The following STARD9 variants were observed in gnomAD, a reference collection of about 807,000 sequenced individuals.
STARD9 encodes stAR-related lipid transfer protein 9.
Under a neutral mutation model 399.8 loss-of-function variants are expected in STARD9, and 346 were observed. The ratio of observed to expected loss-of-function variants is 0.87; its 90% CI spans 0.79 to 0.95. STARD9 has a LOEUF of 0.95. STARD9 is among the 40% of genes least tolerant of loss of function. The pLI, the probability that STARD9 is intolerant of heterozygous loss-of-function variation, is 0.00. For synonymous variants in STARD9, 2,203 were observed against 2,143.5 expected, an observed-to-expected ratio of 1.03 and a Z score of -0.77; for missense variants, 5,832 against 5,667.5, an observed-to-expected ratio of 1.03 and a Z score of -0.93.
At chr15:42,590,772 G>C (rs148022476) in intron 3 of STARD9, among the ~76,000 whole-genome samples, 5 of 152,170 alleles carry the variant, frequency 3.3e-5, no homozygotes, top group Non-Finnish European at 5.9e-5. Context: ...GAGAGAGAGC[G>C]AGAGATGGGA....
chr15:42,608,302 C>A (rs1420689029), intron 3 of STARD9, among the ~76,000 whole-genome samples: 1 of 152,126 alleles, frequency 6.6e-6, no homozygotes. Context: ...AGACAGGACC[C>A]TGCCAGCCGG....
chr15:42,607,679 C>CACAT (rs1280154771), intron 3 of STARD9, among the ~76,000 whole-genome samples: 6 of 149,682 alleles, frequency 4.0e-5, no homozygotes, highest in African/African-American at 1.5e-4. Flanking sequence ...CACACACACA[C>CACAT]ACACACAAAT....
chr15:42,617,589 G>C (rs2058995445), intron 3 of STARD9, among the ~76,000 whole-genome samples: 1 of 152,140 alleles, frequency 6.6e-6, no homozygotes, highest in Non-Finnish European at 1.5e-5. Flanking sequence ...CTTTCAATGG[G>C]GGGAATGTGA....
intron 24 of STARD9, 87 bp downstream of exon 24, chr15:42,694,812 G>A: frequency 9.0e-7 from 1 of 1,112,078 alleles, no homozygotes; most frequent in South Asian, 1.5e-5. Flanking sequence ...TAGCATCCTG[G>A]AGGGTTCTCT....
At position 42,690,343 on chromosome 15, in the gene STARD9, G is replaced by A. The variant is rs1426497399; in HGVS notation, c.8765G>A (p.Arg2922Lys). 1.3e-6 allele frequency: 2 copies of A among 1,537,248 alleles called. No individual in the cohort carries two copies. Among genetic ancestry groups the A allele is most frequent in the Admixed American group, 2.0e-5 (1 of 51,006 alleles). The change falls in exon 23 of 33, where the codon AGG (arginine) becomes AAG (lysine). Residue 2922 changes from arginine to lysine, a missense_variant. Physicochemically the swap from Arg to Lys is conservative, Grantham distance 26 (BLOSUM62 2). Around this residue, in one of 2 missense-constraint regions of STARD9, gnomAD observed 5,828 missense variants for 5,651.1 expected, o/e 1.03. Coordinates refer to ENST00000290607, the MANE Select transcript of STARD9 (RefSeq NM_020759.3). ...IGEEAPCRHP[R>K]EALDGPVFSR... ...GAGGAAGCCCCATGTAGACACCCAA[G>A]GGAAGCTTTAGATGGCCCTGTCTTC...
chr15:42,632,187 A>G (rs2059345343), intron 3 of STARD9, among the ~76,000 whole-genome samples: 1 of 152,222 alleles, frequency 6.6e-6, no homozygotes, highest in Non-Finnish European at 1.5e-5. Context: ...CTTTCTGATT[A>G]TATAATGACC....
At chr15:42,598,699 T>G (rs1196638470) in intron 3 of STARD9, among the ~76,000 whole-genome samples, 1 of 152,188 alleles carries the variant, frequency 6.6e-6, no homozygotes, top group Non-Finnish European at 1.5e-5. Flanking sequence ...AACATTTATC[T>G]TTGTGTTGGG....
chr15:42,670,653 CCTT>C (rs1188933821), intron 16 of STARD9: 5 of 152,174 alleles, frequency 3.3e-5, no homozygotes, highest in South Asian at 2.1e-4. Context: ...AAATTGGACT[CCTT>C]CTTAGTGCTG....
intron 4 of STARD9, among the ~76,000 whole-genome samples, chr15:42,635,676 C>T (rs1595680943): frequency 6.6e-6 from 1 of 152,158 alleles, no homozygotes; most frequent in South Asian, 2.1e-4. Flanking sequence ...TTTTACAGCT[C>T]CCTTTGACAA....
chr15:42,585,981 T>C (rs2058269852), intron 3 of STARD9, among the ~76,000 whole-genome samples: 2 of 152,360 alleles, frequency 1.3e-5, no homozygotes, highest in South Asian at 2.1e-4. Flanking sequence ...CTATTTCTTA[T>C]GATACTTTTG....
rs150033918 is a variant in STARD9, at chr15:42,674,943, G to T, written c.1666G>T (p.Ala556Ser). The change falls in exon 18 of 33, where the codon GCC becomes TCC. Residue 556 changes from alanine to serine, a missense_variant. Transcript: ENST00000290607. ...TACAGTCAATGGCCGGGAGGTCACTGCCTCCTGCCGTCTGACTCAAGGTAG... is the reference window on the plus strand; with the variant it reads ...TACAGTCAATGGCCGGGAGGTCACTTCCTCCTGCCGTCTGACTCAAGGTAG... ...RCTVNGREVTASCRLTQGAVI... is the reference protein window; with the variant it reads ...RCTVNGREVTSSCRLTQGAVI... The T allele has an allele frequency of 4.7e-5, 72 of 1,535,690 alleles. No homozygotes were observed. Among genetic ancestry groups the T allele is most frequent in the African/African-American group, 3.7e-4 (27 of 73,124 alleles).
chr15:42,618,844 T>G (rs1387159958), intron 3 of STARD9, among the ~76,000 whole-genome samples: 1 of 152,152 alleles, frequency 6.6e-6, no homozygotes, highest in Non-Finnish European at 1.5e-5. Context: ...AGTGCTGGGA[T>G]TAGAAGTGTG....
chr15:42,635,418 C>T (rs1462656062), intron 4 of STARD9, among the ~76,000 whole-genome samples: 2 of 152,044 alleles, frequency 1.3e-5, no homozygotes, highest in African/African-American at 4.8e-5. Context: ...CAAGCTCCGC[C>T]TCCCGGGTTC....
At chr15:42,714,821 A>G (rs1260646217) in intron 26 of STARD9, among the ~76,000 whole-genome samples, 1 of 151,074 alleles carries the variant, frequency 6.6e-6, no homozygotes, top group Admixed American at 6.6e-5. Context: ...CCATTTTGGT[A>G]TGTCTGTGAA....
At chr15:42,620,894 A>G (rs1319638976) in intron 3 of STARD9, among the ~76,000 whole-genome samples, 1 of 152,062 alleles carries the variant, frequency 6.6e-6, no homozygotes, top group Non-Finnish European at 1.5e-5. Flanking sequence ...AGCTGGGATT[A>G]TAGGTGCCTG....
intron 26 of STARD9, among the ~76,000 whole-genome samples, chr15:42,703,340 C>T (rs140235780): frequency 1.1e-4 from 17 of 150,312 alleles, no homozygotes; most frequent in Admixed American, 4.0e-4. Flanking sequence ...GCCAGTGACT[C>T]GTACATTTGT....
chr15:42,673,640 A>G (rs1001694074), intron 16 of STARD9, among the ~76,000 whole-genome samples: 6 of 152,232 alleles, frequency 3.9e-5, no homozygotes, highest in Non-Finnish European at 7.3e-5. Context: ...TATGATTTGT[A>G]TAAAGTACTC....
At position 42,718,487 on chromosome 15, in the gene STARD9, CTGT is replaced by C. The variant is rs1177098525; in HGVS notation, c.13819_13821del (p.Cys4607del). The C allele has an allele frequency of 6.5e-7, 1 of 1,537,224 alleles. No homozygotes were observed. Among genetic ancestry groups the C allele is most frequent in the Non-Finnish European group, 8.7e-7 (1 of 1,146,882 alleles). ...GCGCACTGAAGCAGCCACGGGATTT[CTGT>C]TGTGTCTGCGTGGAAGCCAAAGAGG... On this transcript the variant is annotated inframe_deletion, in exon 31 of 33. Transcript: ENST00000290607.
intron 20 of STARD9, among the ~76,000 whole-genome samples, chr15:42,677,206 G>A (rs1468309947): frequency 6.6e-6 from 1 of 151,606 alleles, no homozygotes; most frequent in African/African-American, 2.4e-5. Context: ...AGAGGTTGCA[G>A]TGAGCCGACA....
Sources: allele counts gnomAD v4.1 joint callset (sites outside exome capture counted in the v4.1 genomes callset), GRCh38; gene constraint gnomAD v4.1.1; regional missense constraint gnomAD v4.1.1; transcripts MANE v1.5; gene names NCBI Gene and HGNC (gene_info 2026-07-23, HGNC 2026-07-21).